Variants in ANO8 observed in about 807,000 individuals in gnomAD.
ANO8 encodes the protein anoctamin 8.
A neutral mutation model predicts 120.4 loss-of-function variants in ANO8; 67 were observed. The ratio of observed to expected loss-of-function variants is 0.56; its 90% CI spans 0.46 to 0.68. The LOEUF (loss-of-function observed/expected upper bound fraction) is 0.68, where lower values mean the gene tolerates loss of function less well. ANO8 is among the 30% of genes least tolerant of loss of function. ANO8 has a pLI of 0.00. For missense variants in ANO8, 1,526 were observed against 1,737.6 expected (o/e 0.88, Z 2.16); for synonymous variants, 727 against 759.2 (o/e 0.96, Z 0.70).
Position 17,328,280 on chromosome 19 carries a change from C to T in ANO8, c.2108G>A (p.Ser703Asn), listed in dbSNP as rs1245063164. 1.9e-6 allele frequency: 3 copies of T among 1,608,944 alleles called. No homozygotes were observed. The South Asian group carries it at 3.3e-5, about 18-fold the overall frequency. The change falls in exon 13 of 18, where the codon AGC (serine) becomes AAC (asparagine). Residue 703 changes from serine (S) to asparagine (N), a missense_variant. Ser to Asn is a conservative substitution (Grantham distance 46, BLOSUM62 1). Coordinates refer to ENST00000159087, the MANE Select transcript of ANO8 (RefSeq NM_020959.3). ...GGPDPEPGSNSDSTRRQRRQN... is the reference protein window; with the variant it reads ...GGPDPEPGSNNDSTRRQRRQN... ...CCGTCTCTGCCTACGGGTCGAATCG[C>T]TGTTGGAGCCGGGTTCCGGGTCCGG...
intron 1 of ANO8, among the ~76,000 whole-genome samples, chr19:17,334,243 A>G (rs904962776): frequency 6.6e-6 from 1 of 152,170 alleles, no homozygotes; most frequent in African/African-American, 2.4e-5. Flanking sequence ...TGAACCCAGG[A>G]CCGTATGATT....
chr19:17,323,376 T>G lies in ANO8; in HGVS notation c.*141A>C. The G allele has an allele frequency of 2.9e-6, 2 of 701,446 alleles. No individual in the cohort carries two copies. The highest frequency in any genetic ancestry group is 4.1e-6 in the Non-Finnish European group (2 of 488,778). The allele number at this position is 701,446 out of a possible 1,614,324, so 43.5% of individuals were successfully genotyped here. A position where few individuals can be genotyped will look rare whatever the true frequency, so the allele number is the denominator to read the frequency against. ...TTGGATTTGTGGGTTTCCTTTCGTT[T>G]GGAAAGGAAAACGGCAGATGGGGGG... On this transcript the variant is annotated 3_prime_UTR_variant, in exon 18 of 18. Transcript: ENST00000159087.
At chr19:17,324,282 G>GC (rs1187105719) in intron 17 of ANO8, among the ~76,000 whole-genome samples, 3 of 152,064 alleles carry the variant, frequency 2.0e-5, no homozygotes, top group African/African-American at 7.2e-5. Flanking sequence ...TGGGTGGGCA[G>GC]CCCCAGCCCC....
At chr19:17,332,227 G>A (rs1039195075) in intron 5 of ANO8, among the ~76,000 whole-genome samples, 1 of 147,094 alleles carries the variant, frequency 6.8e-6, no homozygotes, top group Non-Finnish European at 1.5e-5. Flanking sequence ...CAGCCACCGC[G>A]CCCGGCCTTA....
intron 12 of ANO8, 48 bp downstream of exon 12, chr19:17,329,709 T>C: frequency 6.5e-7 from 1 of 1,528,082 alleles, no homozygotes; most frequent in Non-Finnish European, 9.0e-7. Context: ...GGCCCCTCGC[T>C]GGCCGCCATG....
Position 17,327,232 on chromosome 19 carries a change from T to G in ANO8, c.2661+3A>C. 1 of 1,530,432 alleles carries G rather than the reference T, an allele frequency of 6.5e-7. No individual in the cohort carries two copies. The allele number at this position is 1,530,432 out of a possible 1,614,324, so 94.8% of individuals were successfully genotyped here. On this transcript the variant is annotated splice_donor_region_variant and intron_variant, in intron 16 of 17. Coordinates refer to ENST00000159087, the MANE Select transcript of ANO8 (RefSeq NM_020959.3). ...AAAACCGAGCCCAGCCTGGCCCCCC[T>G]ACCTTAAAGGCCTCGCGGCGCTGGT...
intron 16 of ANO8, 68 bp from the exon 17 acceptor site, chr19:17,325,454 G>A: frequency 6.6e-7 from 1 of 1,506,456 alleles, no homozygotes; most frequent in Non-Finnish European, 8.8e-7. Context: ...GCTGAGGCTG[G>A]TGCATGCCAG....
Position 17,328,591 on chromosome 19 carries a change from C to CTCGTCCTCCTCT in ANO8, c.1785_1796dup (p.Asp598_Glu601dup), listed in dbSNP as rs2074292353. ...GGAGGCCCCCTTCCTCGCCCTCCTC[C>CTCGTCCTCCTCT]TCGTCCTCCTCTTCCTCCTCGTCCT... is the stretch of plus-strand genomic sequence containing the variant. On this transcript the variant is annotated inframe_insertion, in exon 13 of 18. Coordinates refer to ENST00000159087, the MANE Select transcript of ANO8 (RefSeq NM_020959.3). 1 of 1,545,572 alleles carries CTCGTCCTCCTCT rather than the reference C, an allele frequency of 6.5e-7. No individual in the cohort carries two copies.
Position 17,324,844 on chromosome 19 carries a change from C to T in ANO8, c.3204G>A (p.Gly1068=). The change falls in exon 17 of 18, where the codon GGG becomes GGA. Residue 1068 remains glycine (G), a synonymous_variant. Transcript: ENST00000159087. The part of the protein sequence containing the change: ...GGTRAEPGSN[G]AGGQARPDGT... Reference sequence around the variant, plus strand: ...CATCTGGCCGGGCCTGCCCGCCCGCCCCGTTGGACCCAGGCTCAGCCCGGG... The same window carrying T: ...CATCTGGCCGGGCCTGCCCGCCCGCTCCGTTGGACCCAGGCTCAGCCCGGG... 3.1e-6 allele frequency: 5 copies of T among 1,612,160 alleles called. No homozygotes were observed. The highest frequency in any genetic ancestry group is 4.2e-6 in the Non-Finnish European group (5 of 1,179,348).
rs569926527 is a variant in ANO8 at position 17,327,993 on chromosome 19, T to C, written c.2227-113A>G. ...GTGGACCCAGGGCCTGTCCCCATCC[T>C]CAGCCAGCCCAGAGGCTTCCTGTAT... On this transcript the variant is annotated intron_variant, in intron 13 of 17. Coordinates refer to ENST00000159087, the MANE Select transcript of ANO8 (RefSeq NM_020959.3). The C allele has an allele frequency of 9.1e-5, 132 of 1,448,960 alleles. 1 individual carries two copies. The South Asian group carries it at 1.7e-3, about 18-fold the overall frequency. 89.8% of individuals were successfully genotyped at this position (1,448,960 alleles called of 1,614,324 possible).
chr19:17,334,446 C>G (rs1399717326), intron 1 of ANO8, 119 bp downstream of exon 1: 1 of 935,524 alleles, frequency 1.1e-6, no homozygotes, highest in East Asian at 3.3e-5. Context: ...CGGGAGGAGC[C>G]GGCCCCTCGT....
chr19:17,329,855 G>A (rs754495935), intron 11 of ANO8, 24 bp from the exon 12 acceptor site: 4 of 1,613,376 alleles, frequency 2.5e-6, no homozygotes, highest in African/African-American at 2.7e-5. Context: ...GCAGGCGGTG[G>A]TCATCCTGCA....
In ANO8 at chr19:17,333,338, G is replaced by C; in HGVS notation, c.350+84C>G. 6.2e-7 allele frequency: 1 copy of C among 1,606,866 alleles called. No individual in the cohort carries two copies. Among genetic ancestry groups the C allele is most frequent in the Non-Finnish European group, 8.5e-7 (1 of 1,175,724 alleles). On this transcript the variant is annotated intron_variant, in intron 3 of 17. Coordinates refer to ENST00000159087, the MANE Select transcript of ANO8 (RefSeq NM_020959.3). The surrounding 1 kb of genome is among the most constrained non-coding windows in gnomAD (Gnocchi z 7.2). Reference sequence around the variant, plus strand: ...CTGGCAGCCTTTGGGACAAACGCAGGGCGGCTGGATAGCATGGTTGGCACT... The same window carrying C: ...CTGGCAGCCTTTGGGACAAACGCAGCGCGGCTGGATAGCATGGTTGGCACT...
intron 13 of ANO8, 108 bp downstream of exon 13, chr19:17,328,054 T>A: frequency 7.3e-7 from 1 of 1,362,422 alleles, no homozygotes; most frequent in Non-Finnish European, 9.8e-7. Context: ...CATCCCAACA[T>A]CAATGGCCCT....
At chr19:17,329,030 G>A in intron 12 of ANO8, 47 bp from the exon 13 acceptor site, 2 of 1,388,214 alleles carry the variant, frequency 1.4e-6, no homozygotes, top group Non-Finnish European at 1.9e-6. Flanking sequence ...GGGCAAGCGG[G>A]GCGCCGGGAT....
Position 17,324,842 on chromosome 19 carries a change from G to T in ANO8, c.3206C>A (p.Ala1069Glu). 1.2e-6 allele frequency: 2 copies of T among 1,611,898 alleles called. No individual in the cohort carries two copies. Among genetic ancestry groups the T allele is most frequent in the Admixed American group, 1.7e-5 (1 of 59,934 alleles). ...CCCATCTGGCCGGGCCTGCCCGCCC[G>T]CCCCGTTGGACCCAGGCTCAGCCCG... ...GTRAEPGSNGAGGQARPDGTP... is the reference protein window; with the variant it reads ...GTRAEPGSNGEGGQARPDGTP... Residue 1069 changes from alanine (A) to glutamate (E), a missense_variant, in exon 17 of 18, where the codon GCG becomes GAG. Ala to Glu is a moderately radical substitution (Grantham distance 107, BLOSUM62 -1). This residue lies in a region of ANO8 where 489 missense variants were observed against 548.6 expected (regional missense o/e 0.89). Transcript: ENST00000159087.
chr19:17,334,310 C>T (rs2074343918), intron 1 of ANO8, among the ~76,000 whole-genome samples: 1 of 152,228 alleles, frequency 6.6e-6, no homozygotes, highest in Admixed American at 6.5e-5. Context: ...CGCGATCCCG[C>T]AGCCCGGGGG....
chr19:17,324,446 A>T (rs1314058909), intron 17 of ANO8, among the ~76,000 whole-genome samples: 1 of 151,986 alleles, frequency 6.6e-6, no homozygotes, highest in East Asian at 1.9e-4. Context: ...GCACCGGAGC[A>T]TGGTGGGGGT....
rs756773663 is a variant in ANO8, at chr19:17,325,102, G to A, written c.2946C>T (p.Ile982=). ...ACGAGAGGAATTTGCCCTGCAGTGG[G>A]ATGATCTGCTTCAACTTCATGACGT... The part of the protein sequence containing the change: ...PNNVMKLKQI[I]PLQGKFLSSG... The change falls in exon 17 of 18, where the codon ATC becomes ATT. Residue 982 remains isoleucine (I), a synonymous_variant. Transcript: ENST00000159087. 2 of 1,613,710 alleles carry A rather than the reference G, an allele frequency of 1.2e-6. No individual in the cohort carries two copies. Among genetic ancestry groups the A allele is most frequent in the Admixed American group, 3.3e-5 (2 of 60,034 alleles).
Sources: allele counts gnomAD v4.1 joint callset (sites outside exome capture counted in the v4.1 genomes callset), GRCh38; gene constraint gnomAD v4.1.1; regional missense constraint gnomAD v4.1.1; non-coding constraint Gnocchi (gnomAD v3.1); transcripts MANE v1.5; gene names NCBI Gene and HGNC (gene_info 2026-07-23, HGNC 2026-07-21).